Variants in TRPC1 observed in about 807,000 individuals in gnomAD.
TRPC1 encodes transient receptor potential cation channel subfamily C member 1, also known as short transient receptor potential channel 1.
Under a neutral mutation model 88.2 loss-of-function variants are expected in TRPC1, and 42 were observed. The observed-to-expected ratio is 0.48, with a 90% CI of 0.37 to 0.62. The LOEUF (loss-of-function observed/expected upper bound fraction) is 0.62, where lower values mean the gene tolerates loss of function less well. TRPC1 is among the 20% of genes least tolerant of loss of function. TRPC1 has a pLI of 0.00. For missense variants in TRPC1, 699 were observed against 957.3 expected, an observed-to-expected ratio of 0.73 and a Z score of 3.56; for synonymous variants, 288 against 331.8, an observed-to-expected ratio of 0.87 and a Z score of 1.43.
intron 3 of TRPC1, among the ~76,000 whole-genome samples, chr3:142,745,407 G>A (rs1934506128): frequency 6.6e-6 from 1 of 152,128 alleles, no homozygotes; most frequent in Non-Finnish European, 1.5e-5. Context: ...CCTTTGGGAG[G>A]CCGAGGCGGG....
intron 4 of TRPC1, among the ~76,000 whole-genome samples, chr3:142,764,079 CAA>C (rs59004681): frequency 2.8e-5 from 4 of 144,170 alleles, no homozygotes; most frequent in Non-Finnish European, 4.6e-5. Flanking sequence ...GAAACAAAGG[CAA>C]AAAAAAATTC....
chr3:142,769,642 T>G (rs1197843961), intron 4 of TRPC1, among the ~76,000 whole-genome samples: 1 of 152,214 alleles, frequency 6.6e-6, no homozygotes, highest in Non-Finnish European at 1.5e-5. Flanking sequence ...CATCAATTAT[T>G]TAAGAGTGTG....
At chr3:142,803,917 G>T in intron 10 of TRPC1, 60 bp from the exon 11 acceptor site, 1 of 1,495,800 alleles carries the variant, frequency 6.7e-7, no homozygotes. Flanking sequence ...ATAAACAAAT[G>T]ATTCATTTTT....
At chr3:142,771,393 C>T (rs1243462269) in intron 4 of TRPC1, among the ~76,000 whole-genome samples, 1 of 152,032 alleles carries the variant, frequency 6.6e-6, no homozygotes, top group Non-Finnish European at 1.5e-5. Flanking sequence ...CCAGGCTGGT[C>T]TCGAACTCCT....
intron 4 of TRPC1, among the ~76,000 whole-genome samples, chr3:142,771,061 G>A (rs1935559519): frequency 6.6e-6 from 1 of 152,082 alleles, no homozygotes; most frequent in Admixed American, 6.5e-5. Flanking sequence ...ATCAGATATT[G>A]TGGGAATGAA....
rs759226939 is a variant in TRPC1 at position 142,748,281 on chromosome 3, T to C, written c.453T>C (p.Asn151=). 1.9e-6 allele frequency: 3 copies of C among 1,613,894 alleles called. No homozygotes were observed. The highest frequency in any genetic ancestry group is 2.5e-6 in the Non-Finnish European group (3 of 1,179,830). ...AGAAACTAATGGAACGAATTCAGAA[T>C]CCTGAGTATTCAACAACTATGGATG... ...TIVKLMERIQ[N]PEYSTTMDVA... is the part of the protein sequence containing the mutation. Residue 151 remains asparagine, a synonymous_variant, in exon 4 of 13, where the codon AAT becomes AAC. Transcript: ENST00000476941.
chr3:142,737,065 G>A (rs369969305), intron 2 of TRPC1, among the ~76,000 whole-genome samples: 1 of 152,064 alleles, frequency 6.6e-6, no homozygotes, highest in South Asian at 2.1e-4. Flanking sequence ...ATAAAAGGTA[G>A]ACCTTCCTAC....
chr3:142,761,236 C>T (rs1333372808), intron 4 of TRPC1, among the ~76,000 whole-genome samples: 1 of 151,968 alleles, frequency 6.6e-6, no homozygotes, highest in Admixed American at 6.6e-5. Context: ...CCCTCCTATA[C>T]CTGTTTTGAT....
intron 5 of TRPC1, among the ~76,000 whole-genome samples, chr3:142,778,129 A>G (rs892414091): frequency 6.6e-6 from 1 of 152,212 alleles, no homozygotes; most frequent in Non-Finnish European, 1.5e-5. Flanking sequence ...CTCTGACTCT[A>G]TAATCATCCT....
chr3:142,789,489 G>A (rs1398080319), intron 7 of TRPC1, among the ~76,000 whole-genome samples: 1 of 152,082 alleles, frequency 6.6e-6, no homozygotes, highest in Non-Finnish European at 1.5e-5. Context: ...TAAAATATGG[G>A]TACTGCATAA....
chr3:142,802,952 T>TA (rs1158947794), intron 10 of TRPC1, among the ~76,000 whole-genome samples: 1 of 152,192 alleles, frequency 6.6e-6, no homozygotes, highest in African/African-American at 2.4e-5. Context: ...TGTGTCATCT[T>TA]ATGTAAAGAA....
intron 1 of TRPC1, among the ~76,000 whole-genome samples, chr3:142,733,886 G>A (rs745856960): frequency 3.7e-4 from 56 of 152,314 alleles, no homozygotes; most frequent in Middle Eastern, 6.8e-3. Flanking sequence ...TGCTCCATGG[G>A]TGGGGATAAG....
rs561426060 is a variant in TRPC1, at chr3:142,726,595, T to G, written c.172+1864T>G. Among the ~76,000 whole-genome samples the G allele has an allele frequency of 1.5e-3, 230 of 152,334 alleles. 3 individuals carry two copies. The highest frequency in any genetic ancestry group is 2.2e-3 in the Non-Finnish European group (153 of 68,018). Reference sequence around the variant, plus strand: ...CTGTTTCAGGTATGTCTAAACAACTTCTTGAGTTAGATTTGGAAAAATAGC... The same window carrying G: ...CTGTTTCAGGTATGTCTAAACAACTGCTTGAGTTAGATTTGGAAAAATAGC... On this transcript the variant is annotated intron_variant, in intron 1 of 12. Coordinates refer to ENST00000476941, the MANE Select transcript of TRPC1 (RefSeq NM_001251845.2).
intron 4 of TRPC1, among the ~76,000 whole-genome samples, chr3:142,757,962 A>G (rs1229194584): frequency 6.6e-6 from 1 of 152,184 alleles, no homozygotes; most frequent in Admixed American, 6.5e-5. Flanking sequence ...TTGTGTTGCA[A>G]ACAATCCAAT....
intron 2 of TRPC1, among the ~76,000 whole-genome samples, chr3:142,737,857 G>T (rs1934197397): frequency 6.6e-6 from 1 of 152,086 alleles, no homozygotes; most frequent in Non-Finnish European, 1.5e-5. Flanking sequence ...TTGTGTATGT[G>T]CGTTTGTGTG....
intron 6 of TRPC1, among the ~76,000 whole-genome samples, chr3:142,782,187 G>A (rs1452487782): frequency 6.6e-6 from 1 of 152,066 alleles, no homozygotes; most frequent in African/African-American, 2.4e-5. Context: ...AAAATCTTAA[G>A]AGGTAATTTT....
chr3:142,748,152 T>C, intron 3 of TRPC1, 106 bp from the exon 4 acceptor site: 1 of 1,055,120 alleles, frequency 9.5e-7, no homozygotes, highest in East Asian at 2.6e-5. Flanking sequence ...CTTAAATAAT[T>C]CTTAAGTTCT....
intron 1 of TRPC1, among the ~76,000 whole-genome samples, chr3:142,735,422 A>G (rs1437729571): frequency 1.3e-5 from 2 of 152,184 alleles, no homozygotes; most frequent in Non-Finnish European, 2.9e-5. Flanking sequence ...GTATTTGCAC[A>G]TCACGTAAAA....
In TRPC1 at chr3:142,724,798, C is replaced by T. The variant is rs932226921; in HGVS notation, c.172+67C>T. 5 of 1,432,728 alleles carry T rather than the reference C, an allele frequency of 3.5e-6. No homozygotes were observed. Among genetic ancestry groups the T allele is most frequent in the African/African-American group, 3.0e-5 (2 of 67,490 alleles). The allele number at this position is 1,432,728 out of a possible 1,614,324, so 88.8% of individuals were successfully genotyped here. A position where few individuals can be genotyped will look rare whatever the true frequency, so the allele number is the denominator to read the frequency against. On this transcript the variant is annotated intron_variant, in intron 1 of 12. Coordinates refer to ENST00000476941, the MANE Select transcript of TRPC1 (RefSeq NM_001251845.2). The surrounding 1 kb of genome is among the most constrained non-coding windows in gnomAD (Gnocchi z 5.6). ...CCAGACCTTTAGTCCTCTCCCCCGC[C>T]TCAACTTATATCGGGGCATTCCCTC...
Sources: gnomAD v4.1 joint callset for allele counts (sites outside exome capture counted in the v4.1 genomes callset) on GRCh38, gnomAD v4.1.1 for gene constraint, Gnocchi (gnomAD v3.1) non-coding constraint, MANE v1.5 for transcripts, NCBI Gene and HGNC (gene_info 2026-07-23, HGNC 2026-07-21) for gene names.